The following SMARCD1 variants were observed in gnomAD, a reference collection of about 807,000 sequenced individuals.
SMARCD1 encodes the protein SWI/SNF-related matrix-associated actin-dependent regulator of chromatin subfamily D member 1.
Under a neutral mutation model 70.8 loss-of-function variants are expected in SMARCD1, and 16 were observed. That is an observed-to-expected ratio of 0.23 (90% CI 0.15 to 0.34). SMARCD1 has a LOEUF of 0.34. Ranked by LOEUF, SMARCD1 falls within the 10% of genes least tolerant of loss-of-function variation. SMARCD1 has a pLI of 1.00. For missense variants in SMARCD1, 409 were observed against 655.5 expected (o/e 0.62, Z 4.11); for synonymous variants, 249 against 246.0 (o/e 1.01, Z -0.11).
At position 50,090,566 on chromosome 12, in the gene SMARCD1, C is replaced by T. The variant is rs773107459; in HGVS notation, c.1109C>T (p.Pro370Leu). The change falls in exon 9 of 13, where the codon CCT becomes CTT. Residue 370 changes from proline (P) to leucine (L), a missense_variant. Physicochemically the swap from Pro to Leu is moderately conservative, Grantham distance 98. Coordinates refer to ENST00000394963, the MANE Select transcript of SMARCD1 (RefSeq NM_003076.5). Reference protein sequence around the residue: ...RLHALLMPPEPIIINHVISVD... With the variant: ...RLHALLMPPELIIINHVISVD... ...CATGCCTTGCTTATGCCACCAGAAC[C>T]TATCATCATTAATCATGTCATCAGG... is the stretch of plus-strand genomic sequence containing the variant. The T allele has an allele frequency of 1.2e-6, 2 of 1,613,712 alleles. No homozygotes were observed. Among genetic ancestry groups the T allele is most frequent in the South Asian group, 2.2e-5 (2 of 91,068 alleles).
chr12:50,086,706 G>A (rs1013902557), intron 3 of SMARCD1, 43 bp downstream of exon 3: 18 of 1,613,880 alleles, frequency 1.1e-5, no homozygotes, highest in Non-Finnish European at 1.5e-5. Flanking sequence ...TGGTGAGTTT[G>A]AGTATAGAGA....
In SMARCD1 at chr12:50,086,481, G is replaced by GGTGGTGGTA. The variant is rs1555186252; in HGVS notation, c.366-132_366-131insAGTGGTGGT. The GGTGGTGGTA allele has an allele frequency of 9.7e-3, 9,294 of 955,222 alleles. 536 individuals carry two copies. In the African/African-American group the frequency reaches 0.13, roughly 13 times the overall value. 59.2% of individuals were successfully genotyped at this position (955,222 alleles called of 1,614,324 possible). On this transcript the variant is annotated intron_variant, in intron 2 of 12. Transcript: ENST00000394963. ...ACAGAACTCATCCTTGAGAATGCTT[G>GGTGGTGGTA]GTGGTGGTGGTGGTGGTGGTAGTTC... is the stretch of plus-strand genomic sequence containing the variant.
Position 50,096,892 on chromosome 12 carries a change from C to G in SMARCD1, c.1312C>G (p.Arg438Gly), listed in dbSNP as rs1473235153. Residue 438 changes from arginine (R) to glycine (G), a missense_variant, in exon 11 of 13, where the codon CGG (arginine) becomes GGG (glycine). Coordinates refer to ENST00000394963, the MANE Select transcript of SMARCD1 (RefSeq NM_003076.5). ...AACCATCAACCAGCTGAAGACTCAG[C>G]GGGAGTTCATGCTGAGCTTTGCCAG... ...IETINQLKTQ[R>G]EFMLSFARDP... The G allele has an allele frequency of 1.2e-6, 2 of 1,613,772 alleles. No homozygotes were observed.
intron 11 of SMARCD1, among the ~76,000 whole-genome samples, chr12:50,097,423 G>A (rs992209945): frequency 1.2e-4 from 18 of 151,900 alleles, no homozygotes; most frequent in African/African-American, 3.9e-4. Context: ...GTGGTGGTGC[G>A]CGCCTGTAAT....
intron 6 of SMARCD1, 129 bp downstream of exon 6, chr12:50,088,766 G>A: frequency 2.1e-6 from 1 of 476,276 alleles, no homozygotes; most frequent in Non-Finnish European, 3.8e-6. Flanking sequence ...ACCGCTCCAG[G>A]TGTACAGTTT....
Position 50,099,995 on chromosome 12 carries a change from T to G in SMARCD1, c.*995T>G, listed in dbSNP as rs549971085. On this transcript the variant is annotated 3_prime_UTR_variant, in exon 13 of 13. Coordinates refer to ENST00000394963, the MANE Select transcript of SMARCD1 (RefSeq NM_003076.5). ...TAGGGCACTGAGGAGTGAAAGCGCC[T>G]AGGGCTGGAGAATAGCGCTGAGTTG... is the stretch of plus-strand genomic sequence containing the variant. The G allele has an allele frequency of 6.5e-6, 1 of 152,724 alleles. No homozygotes were observed. Among genetic ancestry groups the G allele is most frequent in the Admixed American group, 6.5e-5 (1 of 15,282 alleles). 9.5% of individuals were successfully genotyped at this position (152,724 alleles called of 1,614,324 possible). A position where few individuals can be genotyped will look rare whatever the true frequency, so the allele number is the denominator to read the frequency against.
At position 50,088,582 on chromosome 12, in the gene SMARCD1, C is replaced by A; in HGVS notation, c.716C>A (p.Ser239Tyr). 1 of 1,611,840 alleles carries A rather than the reference C, an allele frequency of 6.2e-7. No individual in the cohort carries two copies. The highest frequency in any genetic ancestry group is 1.1e-5 in the South Asian group (1 of 90,836). The change falls in exon 6 of 13, where the codon TCC (serine) becomes TAC (tyrosine). Residue 239 changes from serine (S) to tyrosine (Y), a missense_variant. This residue lies in a region of SMARCD1 where 269 missense variants were observed against 498.6 expected (regional missense o/e 0.54). Coordinates refer to ENST00000394963, the MANE Select transcript of SMARCD1 (RefSeq NM_003076.5). ...AGGAAGTTCTCTTCCTTTTTTAAGT[C>A]CTTGGTGATTGAACTGGACAAAGAC... ...QKRKFSSFFKSLVIELDKDLY... is the reference protein window; with the variant it reads ...QKRKFSSFFKYLVIELDKDLY...
chr12:50,086,112 G>A, intron 1 of SMARCD1, 49 bp from the exon 2 acceptor site: 1 of 1,364,014 alleles, frequency 7.3e-7, no homozygotes, highest in South Asian at 1.8e-5. Context: ...TTCTTGATGG[G>A]GTTTAGCAGG....
At position 50,087,381 on chromosome 12, in the gene SMARCD1, A is replaced by G. The variant is rs2137874976; in HGVS notation, c.550A>G (p.Ile184Val). ...RPIKQKRKLR[I>V]FISNTFNPAK... ...TCCTCAGCAAAAACGGAAGCTGCGA[A>G]TTTTCATTTCTAACACTTTCAATCC... Residue 184 changes from isoleucine to valine, a missense_variant, in exon 5 of 13, where the codon ATT (isoleucine) becomes GTT (valine). By Grantham distance (29) the Ile-to-Val change is conservative (BLOSUM62 3). Transcript: ENST00000394963. 1 of 1,614,058 alleles carries G rather than the reference A, an allele frequency of 6.2e-7. No individual in the cohort carries two copies. Among genetic ancestry groups the G allele is most frequent in the Non-Finnish European group, 8.5e-7 (1 of 1,179,942 alleles).
Position 50,096,915 on chromosome 12 carries a change from C to T in SMARCD1, c.1335C>T (p.Ala445=), listed in dbSNP as rs1169147984. 5.0e-6 allele frequency: 8 copies of T among 1,613,888 alleles called. No individual in the cohort carries two copies. The highest frequency in any genetic ancestry group is 5.9e-6 in the Non-Finnish European group (7 of 1,179,892). Residue 445 remains alanine, a synonymous_variant, in exon 11 of 13, where the codon GCC becomes GCT. Transcript: ENST00000394963. ...AGCGGGAGTTCATGCTGAGCTTTGC[C>T]AGAGACCCTCAGGGTTTCATCAATG... The part of the protein sequence containing the change: ...KTQREFMLSF[A]RDPQGFINDW...
Position 50,089,872 on chromosome 12 carries a change from T to C in SMARCD1, c.772-12T>C, listed in dbSNP as rs1411734014. 1 of 1,608,742 alleles carries C rather than the reference T, an allele frequency of 6.2e-7. No individual in the cohort carries two copies. Among genetic ancestry groups the C allele is most frequent in the South Asian group, 1.1e-5 (1 of 90,964 alleles). On this transcript the variant is annotated splice_polypyrimidine_tract_variant and intron_variant, in intron 6 of 12. Coordinates refer to ENST00000394963, the MANE Select transcript of SMARCD1 (RefSeq NM_003076.5). ...TCTGGGAGAGCACCCCCTGACATCT[T>C]CCTCTCTGTAGTGGCACAGGACCGC...
At position 50,100,645 on chromosome 12, in the gene SMARCD1, A is replaced by C. The variant is rs963850150; in HGVS notation, c.*1645A>C. 3 of 152,552 alleles carry C rather than the reference A, an allele frequency of 2.0e-5. No individual in the cohort carries two copies. Among genetic ancestry groups the C allele is most frequent in the Admixed American group, 6.5e-5 (1 of 15,272 alleles). The allele number at this position is 152,552 out of a possible 1,614,324, so 9.4% of individuals were successfully genotyped here. ...TTTTAATAAAAGAATCTTCTGAAGG[A>C]TGGGTCCTCCTACCTACTGTGAGAG... On this transcript the variant is annotated 3_prime_UTR_variant, in exon 13 of 13. Coordinates refer to ENST00000394963, the MANE Select transcript of SMARCD1 (RefSeq NM_003076.5).
In SMARCD1 at chr12:50,096,872, T is replaced by A; in HGVS notation, c.1292T>A (p.Ile431Asn). Residue 431 changes from isoleucine (I) to asparagine (N), a missense_variant, in exon 11 of 13, where the codon ATC becomes AAC. By Grantham distance (149) the Ile-to-Asn change is moderately radical. Transcript: ENST00000394963. ...DNKIHETIET[I>N]NQLKTQREFM... ...CAGATCCATGAGACAATAGAAACCATCAACCAGCTGAAGACTCAGCGGGAG... is the reference window on the plus strand; with the variant it reads ...CAGATCCATGAGACAATAGAAACCAACAACCAGCTGAAGACTCAGCGGGAG... 6.2e-7 allele frequency: 1 copy of A among 1,612,688 alleles called. No individual in the cohort carries two copies.
At chr12:50,091,292 T>G (rs1383191897) in intron 9 of SMARCD1, among the ~76,000 whole-genome samples, 19 of 151,828 alleles carry the variant, frequency 1.3e-4, no homozygotes, top group Middle Eastern at 3.4e-3. Context: ...TTTTTTTTTT[T>G]GGGATGGAGT....
rs1241728360 is a variant in SMARCD1 at position 50,085,396 on chromosome 12, T to C, written c.27T>C (p.Ser9=). The change falls in exon 1 of 13, where the codon TCT becomes TCC. Residue 9 remains serine, a synonymous_variant. Transcript: ENST00000394963. MAARAGFQ[S]VAPSGGAGAS... is the part of the protein sequence containing the mutation. ...TGGCGGCCCGGGCGGGTTTCCAGTC[T>C]GTGGCTCCAAGCGGCGGCGCCGGAG... 4 of 1,261,932 alleles carry C rather than the reference T, an allele frequency of 3.2e-6. No individual in the cohort carries two copies. The African/African-American group carries it at 4.6e-5, about 15-fold the overall frequency. 78.2% of individuals were successfully genotyped at this position (1,261,932 alleles called of 1,614,324 possible). A position where few individuals can be genotyped will look rare whatever the true frequency, so the allele number is the denominator to read the frequency against.
chr12:50,096,838 T>C lies in SMARCD1; in HGVS notation c.1270-12T>C, dbSNP rs760762593. 104 of 1,598,484 alleles carry C rather than the reference T, an allele frequency of 6.5e-5. No individual in the cohort carries two copies. Among genetic ancestry groups the C allele is most frequent in the Non-Finnish European group, 5.4e-5 (63 of 1,168,948 alleles). ...AGTTTGAAAATGGTATGAGCTTCGTTCTTCCTTTCAGATCCATGAGACAAT... is the reference window on the plus strand; with the variant it reads ...AGTTTGAAAATGGTATGAGCTTCGTCCTTCCTTTCAGATCCATGAGACAAT... On this transcript the variant is annotated splice_polypyrimidine_tract_variant and intron_variant, in intron 10 of 12. Transcript: ENST00000394963.
intron 10 of SMARCD1, 45 bp from the exon 11 acceptor site, chr12:50,096,805 A>G (rs1408974784): frequency 1.2e-5 from 19 of 1,573,886 alleles, no homozygotes; most frequent in East Asian, 2.3e-5. Context: ...TTAACTTCTC[A>G]TTTTTCTAGT....
intron 10 of SMARCD1, among the ~76,000 whole-genome samples, chr12:50,094,912 C>A (rs1040263327): frequency 6.6e-6 from 1 of 152,186 alleles, no homozygotes; most frequent in African/African-American, 2.4e-5. Flanking sequence ...ATTCTCCTGC[C>A]TCAGCCTCCC....
rs974316878 is a variant in SMARCD1 at position 50,100,179 on chromosome 12, C to T, written c.*1179C>T. 3.9e-5 allele frequency: 6 copies of T among 152,650 alleles called. No individual in the cohort carries two copies. The highest frequency in any genetic ancestry group is 1.4e-4 in the African/African-American group (6 of 41,434). 9.5% of individuals were successfully genotyped at this position (152,650 alleles called of 1,614,324 possible). A position where few individuals can be genotyped will look rare whatever the true frequency, so the allele number is the denominator to read the frequency against. ...CTTTCCAGGAGAGCCTCACATTCTT[C>T]TTCCAGGTTGTATCACCCCCGAGTT... On this transcript the variant is annotated 3_prime_UTR_variant, in exon 13 of 13. Transcript: ENST00000394963.
Sources: allele counts gnomAD v4.1 joint callset (sites outside exome capture counted in the v4.1 genomes callset), GRCh38; gene constraint gnomAD v4.1.1; regional missense constraint gnomAD v4.1.1; transcripts MANE v1.5; gene names NCBI Gene and HGNC (gene_info 2026-07-23, HGNC 2026-07-21).